The following NGF variants were observed in gnomAD, a reference collection of about 807,000 sequenced individuals.
The protein encoded by NGF is nerve growth factor.
NGF carries 4 observed loss-of-function variants against 12.8 expected under a neutral mutation model. The observed-to-expected ratio is 0.31, with a 90% CI of 0.15 to 0.72. The LOEUF is 0.72. Among genes scored for constraint, NGF ranks in the 30% least tolerant of loss-of-function variants. The pLI, the probability that NGF is intolerant of heterozygous loss-of-function variation, is 0.69. For missense variants in NGF, 283 were observed against 330.8 expected, an observed-to-expected ratio of 0.86 and a Z score of 1.12; for synonymous variants, 140 against 130.0, an observed-to-expected ratio of 1.08 and a Z score of -0.52.
intron 1 of NGF, among the ~76,000 whole-genome samples, chr1:115,326,191 G>T (rs531548291): frequency 6.6e-6 from 1 of 152,192 alleles, no homozygotes; most frequent in South Asian, 2.1e-4. Context: ...GGCCAGGGAG[G>T]AGGACTAATG....
chr1:115,306,959 G>A (rs1295227390), intron 1 of NGF, among the ~76,000 whole-genome samples: 3 of 152,212 alleles, frequency 2.0e-5, no homozygotes, highest in African/African-American at 7.2e-5. Flanking sequence ...ATGATTGATG[G>A]CCCTGGCCCT....
chr1:115,337,261 G>GTTTGTTTTTTTTTT (rs1655138908), intron 1 of NGF, among the ~76,000 whole-genome samples: 1 of 11,758 alleles, frequency 8.5e-5, no homozygotes, highest in Non-Finnish European at 1.9e-4. Context: ...TTTTTGTTTT[G>GTTTGTTTTTTTTTT]TTTTTGTTTT....
chr1:115,310,857 G>C (rs1260226026), intron 1 of NGF, among the ~76,000 whole-genome samples: 2 of 152,080 alleles, frequency 1.3e-5, no homozygotes, highest in African/African-American at 4.8e-5. Context: ...TTGGGGCAAG[G>C]GGTGTGGGGT....
At chr1:115,333,754 C>G (rs1029040777) in intron 1 of NGF, among the ~76,000 whole-genome samples, 23 of 103,766 alleles carry the variant, frequency 2.2e-4, no homozygotes, top group Non-Finnish European at 4.0e-4. Flanking sequence ...TCCTTCCTCC[C>G]TCCCCCCTCT....
chr1:115,328,526 T>G (rs1005952914), intron 1 of NGF, among the ~76,000 whole-genome samples: 1 of 152,226 alleles, frequency 6.6e-6, no homozygotes. Context: ...TGAAACCCTC[T>G]GCATTGTGGC....
chr1:115,326,773 A>G (rs766931950), intron 1 of NGF, among the ~76,000 whole-genome samples: 1 of 152,204 alleles, frequency 6.6e-6, no homozygotes. Context: ...AACTAAGGCC[A>G]GAACCAGCAC....
At chr1:115,309,701 C>T (rs1231453162) in intron 1 of NGF, among the ~76,000 whole-genome samples, 1 of 152,080 alleles carries the variant, frequency 6.6e-6, no homozygotes, top group Non-Finnish European at 1.5e-5. Flanking sequence ...AAATGTGGCA[C>T]ATATACACCA....
At chr1:115,308,341 G>A (rs1654254015) in intron 1 of NGF, among the ~76,000 whole-genome samples, 1 of 152,220 alleles carries the variant, frequency 6.6e-6, no homozygotes, top group South Asian at 2.1e-4. Flanking sequence ...TCTTCCCAGA[G>A]TGGCAGGTGT....
intron 1 of NGF, among the ~76,000 whole-genome samples, chr1:115,319,821 C>T (rs1412620080): frequency 6.6e-6 from 1 of 152,174 alleles, no homozygotes; most frequent in East Asian, 1.9e-4. Flanking sequence ...AGCCTAGCAG[C>T]CTCAGCCAGG....
intron 1 of NGF, among the ~76,000 whole-genome samples, chr1:115,314,794 A>G (rs1654430918): frequency 6.6e-6 from 1 of 152,236 alleles, no homozygotes; most frequent in Non-Finnish European, 1.5e-5. Flanking sequence ...TCTTGCTCTC[A>G]GGGAGCTTAA....
At chr1:115,336,797 A>G (rs1029714600) in intron 1 of NGF, among the ~76,000 whole-genome samples, 3 of 152,142 alleles carry the variant, frequency 2.0e-5, no homozygotes, top group Non-Finnish European at 2.9e-5. Context: ...GAGTTTGAGG[A>G]CCCTGGAGAG....
At chr1:115,312,835 A>G (rs1038756972) in intron 1 of NGF, among the ~76,000 whole-genome samples, 6 of 152,196 alleles carry the variant, frequency 3.9e-5, no homozygotes, top group Non-Finnish European at 8.8e-5. Flanking sequence ...ATGGTCAAAC[A>G]TATTTGGGAA....
chr1:115,321,957 G>C (rs1654643335), intron 1 of NGF, among the ~76,000 whole-genome samples: 1 of 152,236 alleles, frequency 6.6e-6, no homozygotes, highest in African/African-American at 2.4e-5. Context: ...GAATTAGCTT[G>C]AGATAGACGT....
intron 1 of NGF, among the ~76,000 whole-genome samples, chr1:115,315,341 A>T (rs775816349): frequency 1.3e-5 from 2 of 152,168 alleles, no homozygotes; most frequent in Non-Finnish European, 1.5e-5. Flanking sequence ...TCCAGGTGGG[A>T]GGTGATGGTC....
chr1:115,289,149 G>A (rs533170087), intron 2 of NGF, among the ~76,000 whole-genome samples: 26 of 152,074 alleles, frequency 1.7e-4, no homozygotes, highest in Non-Finnish European at 3.2e-4. Context: ...ATAAATGTCC[G>A]GTCAACTCTT....
intron 1 of NGF, among the ~76,000 whole-genome samples, chr1:115,304,329 A>ATTTTTTTATTTTTTTTTTTTTTTT: frequency 1.2e-5 from 1 of 80,828 alleles, no homozygotes; most frequent in Non-Finnish European, 2.5e-5. Context: ...TGCTTGGCTA[A>ATTTTTTTATTTTTTTTTTTTTTTT]TTTTTTTTTT....
chr1:115,287,365 C>A (rs6327), intron 2 of NGF, among the ~76,000 whole-genome samples: 1 of 151,876 alleles, frequency 6.6e-6, no homozygotes, highest in African/African-American at 2.4e-5. Flanking sequence ...TCTGGTGACT[C>A]GGAGCCCTTG....
chr1:115,287,687 T>C (rs1653556917), intron 2 of NGF, among the ~76,000 whole-genome samples: 1 of 152,170 alleles, frequency 6.6e-6, no homozygotes, highest in Admixed American at 6.5e-5. Context: ...ACTAAGCTAG[T>C]GTCCTTCCAT....
At chr1:115,338,038 A>G (rs1326630503) in intron 1 of NGF, among the ~76,000 whole-genome samples, 166 bp downstream of exon 1, 1 of 151,548 alleles carries the variant, frequency 6.6e-6, no homozygotes, top group Admixed American at 6.6e-5. Flanking sequence ...CCCCACACCC[A>G]CTCGGGACAT....
Sources: allele counts gnomAD v4.1 joint callset (sites outside exome capture counted in the v4.1 genomes callset), GRCh38; gene constraint gnomAD v4.1.1; transcripts MANE v1.5; gene names NCBI Gene and HGNC (gene_info 2026-07-23, HGNC 2026-07-21).